The following ECPAS variants were observed in gnomAD, a reference collection of about 807,000 sequenced individuals.
ECPAS encodes proteasome adapter and scaffold protein ECM29.
In ECPAS, 70 loss-of-function variants were observed where a neutral mutation model predicts 255.1. The observed-to-expected ratio is 0.27, with a 90% confidence interval of 0.23 to 0.33. The LOEUF is 0.33. Among genes scored for constraint, ECPAS ranks in the 10% least tolerant of loss-of-function variants. The probability of loss-of-function intolerance (pLI) is 1.00; values close to 1 mark genes in which losing one functional copy is unlikely to be tolerated. For missense variants in ECPAS, 1,817 were observed against 2,206.4 expected, an observed-to-expected ratio of 0.82 and a Z score of 3.54; for synonymous variants, 784 against 775.0, an observed-to-expected ratio of 1.01 and a Z score of -0.19.
At chr9:111,432,197 C>G (rs2098231018) in intron 8 of ECPAS, among the ~76,000 whole-genome samples, 1 of 152,078 alleles carries the variant, frequency 6.6e-6, no homozygotes, top group African/African-American at 2.4e-5. Context: ...GAATAATTTC[C>G]TTAGGATAAA....
At position 111,361,896 on chromosome 9, in the gene ECPAS, T is replaced by C. The variant is rs1464759281; in HGVS notation, c.*134A>G. ...TAATAAGGAACAAAATTTAAGGCTTTTTCTTTTTATTTCAGCCAAGGAATG... is the reference window on the plus strand; with the variant it reads ...TAATAAGGAACAAAATTTAAGGCTTCTTCTTTTTATTTCAGCCAAGGAATG... On this transcript the variant is annotated 3_prime_UTR_variant, in exon 50 of 50. Transcript: ENST00000684092. The C allele has an allele frequency of 9.1e-7, 1 of 1,095,258 alleles. No homozygotes were observed. Among genetic ancestry groups the C allele is most frequent in the Non-Finnish European group, 1.3e-6 (1 of 796,998 alleles). The allele number at this position is 1,095,258 out of a possible 1,614,324, so 67.8% of individuals were successfully genotyped here. A position where few individuals can be genotyped will look rare whatever the true frequency, so the allele number is the denominator to read the frequency against.
At chr9:111,375,678 A>G (rs1249637145) in intron 37 of ECPAS, among the ~76,000 whole-genome samples, 1 of 152,140 alleles carries the variant, frequency 6.6e-6, no homozygotes, top group Non-Finnish European at 1.5e-5. Context: ...ATATAACTAA[A>G]TGGTATTCAC....
intron 1 of ECPAS, among the ~76,000 whole-genome samples, chr9:111,479,218 G>A (rs2098300418): frequency 6.6e-6 from 1 of 152,188 alleles, no homozygotes; most frequent in African/African-American, 2.4e-5. Context: ...TATTTAGGGG[G>A]AAGGTGTGTT....
chr9:111,394,297 C>T lies in ECPAS; in HGVS notation c.2785G>A (p.Val929Met). The stretch of plus-strand genomic sequence containing the variant: ...AACACCCATGGAACCACATCATTCA[C>T]TTTGGCTCCTGGGGAAAAGCAAAGA... Reference protein sequence around the residue: ...EEYTPPAGAKVNDVVPWVLDV... With the variant: ...EEYTPPAGAKMNDVVPWVLDV... Residue 929 changes from valine (V) to methionine (M), a missense_variant, in exon 26 of 50, where the codon GTG becomes ATG. Coordinates refer to ENST00000684092, the MANE Select transcript of ECPAS (RefSeq NM_001364929.1). 2 of 1,516,236 alleles carry T rather than the reference C, an allele frequency of 1.3e-6. No homozygotes were observed. Among genetic ancestry groups the T allele is most frequent in the Non-Finnish European group, 1.8e-6 (2 of 1,130,288 alleles). 93.9% of individuals were successfully genotyped at this position (1,516,236 alleles called of 1,614,324 possible).
At chr9:111,482,949 A>G (rs528803512) in intron 1 of ECPAS, among the ~76,000 whole-genome samples, 63 of 151,968 alleles carry the variant, frequency 4.1e-4, no homozygotes, top group African/African-American at 1.3e-3. Context: ...AAGCGCTGTC[A>G]CCCCGTGGTT....
intron 1 of ECPAS, among the ~76,000 whole-genome samples, chr9:111,473,503 C>T (rs1010473477): frequency 2.6e-5 from 4 of 152,128 alleles, no homozygotes; most frequent in African/African-American, 9.7e-5. Context: ...ATCTTCCTCT[C>T]GCTCTTAAAT....
At chr9:111,366,180 C>G in intron 48 of ECPAS, 59 bp downstream of exon 48, 1 of 1,118,210 alleles carries the variant, frequency 8.9e-7, no homozygotes, top group Non-Finnish European at 1.3e-6. Flanking sequence ...ATATTTGAAG[C>G]TCAGCTCCTT....
chr9:111,479,091 G>A (rs920820534), intron 1 of ECPAS, among the ~76,000 whole-genome samples: 3 of 152,042 alleles, frequency 2.0e-5, no homozygotes, highest in South Asian at 2.1e-4. Context: ...AGGACCCAGG[G>A]GACCTAAGAA....
chr9:111,421,954 G>A lies in ECPAS; in HGVS notation c.1422C>T (p.Leu474=), dbSNP rs748142675. The part of the protein sequence containing the change: ...YSTLEGAQRT[L]MEALVASYLI... Reference sequence around the variant, plus strand: ...AGTACGAAGCCACAAGTGCCTCCATGAGAGTTCGCTGTGCCCCTTCCAAAG... The same window carrying A: ...AGTACGAAGCCACAAGTGCCTCCATAAGAGTTCGCTGTGCCCCTTCCAAAG... Residue 474 remains leucine (L), a synonymous_variant, in exon 15 of 50, where the codon CTC becomes CTT. Coordinates refer to ENST00000684092, the MANE Select transcript of ECPAS (RefSeq NM_001364929.1). 2 of 1,613,550 alleles carry A rather than the reference G, an allele frequency of 1.2e-6. No homozygotes were observed. The highest frequency in any genetic ancestry group is 1.3e-5 in the African/African-American group (1 of 74,910).
rs931477651 is a variant in ECPAS at position 111,390,224 on chromosome 9, G to T, written c.3162-123C>A. 19 of 560,742 alleles carry T rather than the reference G, an allele frequency of 3.4e-5. No individual in the cohort carries two copies. In the African/African-American group the frequency reaches 3.5e-4, roughly 10 times the overall value. The allele number at this position is 560,742 out of a possible 1,614,324, so 34.7% of individuals were successfully genotyped here. On this transcript the variant is annotated intron_variant, in intron 29 of 49. Coordinates refer to ENST00000684092, the MANE Select transcript of ECPAS (RefSeq NM_001364929.1). ...ATTTTCACTCAATTTCTAATACTGA[G>T]TTATCACCATGGAGACAGAACACAA...
intron 2 of ECPAS, among the ~76,000 whole-genome samples, chr9:111,456,469 G>T (rs2098267128): frequency 6.6e-6 from 1 of 152,068 alleles, no homozygotes; most frequent in South Asian, 2.1e-4. Flanking sequence ...TTTCTATCAG[G>T]TACACATACT....
intron 23 of ECPAS, 61 bp from the exon 24 acceptor site, chr9:111,408,733 A>C (rs943930876): frequency 4.2e-5 from 41 of 985,288 alleles, no homozygotes; most frequent in Non-Finnish European, 6.0e-5. Flanking sequence ...ACCCCAGTGC[A>C]GTATTTCCAA....
At chr9:111,384,979 A>C (rs936006288) in intron 33 of ECPAS, among the ~76,000 whole-genome samples, 2 of 152,226 alleles carry the variant, frequency 1.3e-5, no homozygotes, top group African/African-American at 4.8e-5. Context: ...AAGATTGCCC[A>C]AGAAAAATTC....
intron 36 of ECPAS, among the ~76,000 whole-genome samples, chr9:111,378,351 T>C (rs2131545020): frequency 6.6e-6 from 1 of 152,300 alleles, no homozygotes; most frequent in East Asian, 1.9e-4. Context: ...AAAAACTATG[T>C]TAAACAAATG....
intron 24 of ECPAS, among the ~76,000 whole-genome samples, chr9:111,402,142 A>G (rs1280205425): frequency 2.0e-5 from 3 of 152,236 alleles, no homozygotes; most frequent in African/African-American, 7.2e-5. Flanking sequence ...CAGGCATAAG[A>G]AATTATAAAA....
At position 111,440,437 on chromosome 9, in the gene ECPAS, A is replaced by G; in HGVS notation, c.474T>C (p.Ala158=). 2 of 1,613,642 alleles carry G rather than the reference A, an allele frequency of 1.2e-6. No homozygotes were observed. Among genetic ancestry groups the G allele is most frequent in the African/African-American group, 1.3e-5 (1 of 75,056 alleles). Residue 158 remains alanine, a synonymous_variant, in exon 6 of 50, where the codon GCT becomes GCC. Coordinates refer to ENST00000684092, the MANE Select transcript of ECPAS (RefSeq NM_001364929.1). ...SSKSASPFNL[A]EKPKTVQLLL... Reference sequence around the variant, plus strand: ...GCAGCTGCACAGTCTTTGGTTTCTCAGCAAGATTAAATGGAGAAGCTGATT... The same window carrying G: ...GCAGCTGCACAGTCTTTGGTTTCTCGGCAAGATTAAATGGAGAAGCTGATT...
chr9:111,479,914 G>T (rs1182134788), intron 1 of ECPAS, among the ~76,000 whole-genome samples: 1 of 151,222 alleles, frequency 6.6e-6, no homozygotes, highest in African/African-American at 2.4e-5. Flanking sequence ...AGGCGGCAAA[G>T]GTTGCAGTGA....
intron 2 of ECPAS, among the ~76,000 whole-genome samples, chr9:111,470,892 G>A (rs2098287117): frequency 6.6e-6 from 1 of 151,994 alleles, no homozygotes; most frequent in Non-Finnish European, 1.5e-5. Flanking sequence ...CAACACTGAG[G>A]TCCACAAGGC....
At chr9:111,380,015 T>C (rs2098138565) in intron 35 of ECPAS, among the ~76,000 whole-genome samples, 1 of 152,240 alleles carries the variant, frequency 6.6e-6, no homozygotes, top group South Asian at 2.1e-4. Context: ...GAATCATGAA[T>C]GTTCTTAACA....
Sources: allele counts gnomAD v4.1 joint callset (sites outside exome capture counted in the v4.1 genomes callset), GRCh38; gene constraint gnomAD v4.1.1; transcripts MANE v1.5; gene names NCBI Gene and HGNC (gene_info 2026-07-23, HGNC 2026-07-21).